Variants in GLI2 observed in about 807,000 individuals in gnomAD.
The protein encoded by GLI2 is transcription activator GLI2.
In GLI2, 22 loss-of-function variants were observed where a neutral mutation model predicts 78.9. The observed-to-expected ratio is 0.28, with a 90% CI of 0.20 to 0.40. GLI2 has a LOEUF of 0.40. Ranked by LOEUF, GLI2 falls within the 10% of genes least tolerant of loss-of-function variation. GLI2 has a pLI of 1.00. For missense variants in GLI2, 2,097 were observed against 2,213.2 expected, an observed-to-expected ratio of 0.95 and a Z score of 1.05; for synonymous variants, 974 against 963.7, an observed-to-expected ratio of 1.01 and a Z score of -0.20.
chr2:120,932,416 C>T (rs1679989077), intron 3 of GLI2, among the ~76,000 whole-genome samples: 1 of 152,082 alleles, frequency 6.6e-6, no homozygotes, highest in Non-Finnish European at 1.5e-5. Context: ...AGGGCGCACC[C>T]AGTGTGTGCA....
At chr2:120,788,624 C>T (rs1684062551) in intron 1 of GLI2, among the ~76,000 whole-genome samples, 1 of 152,234 alleles carries the variant, frequency 6.6e-6, no homozygotes, top group Non-Finnish European at 1.5e-5. Context: ...CTGTTCCAGC[C>T]CAGCAAGTCA....
chr2:120,893,853 A>T (rs1677802529), intron 2 of GLI2, among the ~76,000 whole-genome samples: 1 of 152,102 alleles, frequency 6.6e-6, no homozygotes, highest in Admixed American at 6.5e-5. Flanking sequence ...GCCTTTGTGG[A>T]CCTGGTCTGG....
At chr2:120,758,252 C>T (rs1233222548) in intron 1 of GLI2, among the ~76,000 whole-genome samples, 7 of 152,260 alleles carry the variant, frequency 4.6e-5, no homozygotes, top group Admixed American at 1.3e-4. Flanking sequence ...TAGCACCACA[C>T]ACAATCTCAG....
intron 2 of GLI2, among the ~76,000 whole-genome samples, chr2:120,810,678 C>T (rs770348020): frequency 7.9e-5 from 12 of 152,198 alleles, no homozygotes; most frequent in Non-Finnish European, 1.5e-4. Flanking sequence ...CAGATCTTCT[C>T]GATAGAAACT....
intron 5 of GLI2, among the ~76,000 whole-genome samples, chr2:120,963,321 CT>C (rs1270903441): frequency 6.6e-6 from 1 of 152,228 alleles, no homozygotes; most frequent in South Asian, 2.1e-4. Flanking sequence ...CCACACTGCC[CT>C]GATTGTACAG....
chr2:120,828,348 G>A (rs1255724575), intron 2 of GLI2, among the ~76,000 whole-genome samples: 1 of 152,230 alleles, frequency 6.6e-6, no homozygotes, highest in East Asian at 1.9e-4. Context: ...GAGACTCCGA[G>A]GACATTCGAG....
At chr2:120,946,022 C>A (rs1442605933) in intron 3 of GLI2, among the ~76,000 whole-genome samples, 1 of 147,946 alleles carries the variant, frequency 6.8e-6, no homozygotes, top group African/African-American at 2.5e-5. Flanking sequence ...TTTGCACACA[C>A]TGCTTCCTTT....
chr2:120,947,816 C>T (rs1680786601), intron 3 of GLI2, among the ~76,000 whole-genome samples: 1 of 152,220 alleles, frequency 6.6e-6, no homozygotes, highest in African/African-American at 2.4e-5. Context: ...GCATCCTGCC[C>T]CACCTTGCTG....
intron 2 of GLI2, among the ~76,000 whole-genome samples, chr2:120,889,086 A>C (rs1342169801): frequency 6.6e-6 from 1 of 152,178 alleles, no homozygotes; most frequent in East Asian, 1.9e-4. Flanking sequence ...CCGCGGAGAA[A>C]CAGAACGCAT....
intron 2 of GLI2, among the ~76,000 whole-genome samples, chr2:120,865,004 G>C (rs1209609452): frequency 6.6e-6 from 1 of 152,144 alleles, no homozygotes; most frequent in Non-Finnish European, 1.5e-5. Context: ...CTTCCAACTC[G>C]GTAGTGCCTC....
chr2:120,915,581 T>C (rs1020906556), intron 2 of GLI2, among the ~76,000 whole-genome samples: 1 of 152,176 alleles, frequency 6.6e-6, no homozygotes, highest in Non-Finnish European at 1.5e-5. Flanking sequence ...TTTCCATGAT[T>C]CGTGCTCTTT....
At chr2:120,814,441 G>A (rs10192178) in intron 2 of GLI2, among the ~76,000 whole-genome samples, 6,937 of 152,266 alleles carry the variant, frequency 0.046, 527 homozygotes, top group African/African-American at 0.16. Context: ...TCACCTGGCT[G>A]TTGTCAGATA....
At chr2:120,858,291 C>G (rs1315486920) in intron 2 of GLI2, among the ~76,000 whole-genome samples, 3 of 152,174 alleles carry the variant, frequency 2.0e-5, no homozygotes, top group Admixed American at 2.0e-4. Context: ...CAAACCTGAA[C>G]AATTAAATGC....
intron 1 of GLI2, among the ~76,000 whole-genome samples, chr2:120,752,297 GTC>G (rs891213418): frequency 3.5e-5 from 5 of 142,930 alleles, no homozygotes; most frequent in African/African-American, 1.3e-4. Context: ...TTGAGACGGA[GTC>G]TCTGTCTGTT....
At chr2:120,903,959 G>T (rs998782071) in intron 2 of GLI2, among the ~76,000 whole-genome samples, 1 of 152,138 alleles carries the variant, frequency 6.6e-6, no homozygotes, top group African/African-American at 2.4e-5. Flanking sequence ...CTTTCAGGAA[G>T]GGGAGATTGG....
chr2:120,860,165 G>C (rs532029186), intron 2 of GLI2, among the ~76,000 whole-genome samples: 1 of 152,276 alleles, frequency 6.6e-6, no homozygotes, highest in East Asian at 1.9e-4. Context: ...CATCATTAAG[G>C]TCCTCTAGGC....
rs11418226 is a variant in GLI2, at chr2:120,896,669, A to ACC, written c.149-30686_149-30685dup. Among the ~76,000 whole-genome samples the ACC allele has an allele frequency of 8.8e-4, 125 of 141,770 alleles. 4 individuals carry two copies. The highest frequency in any genetic ancestry group is 4.4e-3 in the East Asian group (21 of 4,732). The allele number at this position is 141,770 out of a possible 152,430, so 93.0% of individuals were successfully genotyped here. A position where few individuals can be genotyped will look rare whatever the true frequency, so the allele number is the denominator to read the frequency against. ...CACACACACACACACACATACACCC[A>ACC]CCCCCCCACACACTCACACACACCC... On this transcript the variant is annotated intron_variant, in intron 2 of 13. Transcript: ENST00000361492.
At chr2:120,925,019 C>T (rs180695391) in intron 2 of GLI2, among the ~76,000 whole-genome samples, 1 of 152,354 alleles carries the variant, frequency 6.6e-6, no homozygotes, top group East Asian at 1.9e-4. Flanking sequence ...AAAAGTCATG[C>T]AGCAGGTGAG....
chr2:120,816,192 C>CTTTTTT (rs3053837), intron 2 of GLI2, among the ~76,000 whole-genome samples: 2 of 134,892 alleles, frequency 1.5e-5, no homozygotes, highest in African/African-American at 2.8e-5. Flanking sequence ...CCCCAAAGAG[C>CTTTTTT]TTTTTTTTTT....
Sources: gnomAD v4.1 joint callset for allele counts (sites outside exome capture counted in the v4.1 genomes callset) on GRCh38, gnomAD v4.1.1 for gene constraint, MANE v1.5 for transcripts, NCBI Gene and HGNC (gene_info 2026-07-23, HGNC 2026-07-21) for gene names.